IGSF3: variants seen among roughly 807,000 people sequenced by gnomAD.
IGSF3 encodes glu-Trp-Ile EWI motif-containing protein 3.
In IGSF3, 23 loss-of-function variants were observed where a neutral mutation model predicts 114.4. The ratio of observed to expected loss-of-function variants is 0.20; its 90% confidence interval spans 0.14 to 0.28. The LOEUF (loss-of-function observed/expected upper bound fraction) is 0.28, where lower values mean the gene tolerates loss of function less well. Ranked by LOEUF, IGSF3 falls within the 10% of genes least tolerant of loss-of-function variation. The pLI, the probability that IGSF3 is intolerant of heterozygous loss-of-function variation, is 1.00. For synonymous variants in IGSF3, 571 were observed against 645.2 expected (o/e 0.88, Z 1.74); for missense variants, 1,172 against 1,591.5 (o/e 0.74, Z 4.48).
At position 116,585,779 on chromosome 1, in the gene IGSF3, AGGTGT is replaced by A. The variant is rs1249011469; in HGVS notation, c.2441-732_2441-728del. On this transcript the variant is annotated intron_variant, in intron 8 of 10. Coordinates refer to ENST00000369486, the MANE Select transcript of IGSF3 (RefSeq NM_001007237.3). This position sits in a 1 kb window ranked among gnomAD's most constrained non-coding sequence, Gnocchi z 4.9. ...TCTACTAAAAATACAAAAATTAGCCAGGTGTGGTGGTGTGCGCCTGTAATCCCAGC... is the reference window on the plus strand; with the variant it reads ...TCTACTAAAAATACAAAAATTAGCCAGGTGGTGTGCGCCTGTAATCCCAGC... 2.6e-5 allele frequency among the ~76,000 whole-genome samples: 4 copies of A among 152,078 alleles called. 1 individual carries two copies. In the South Asian group the frequency reaches 6.2e-4, roughly 24 times the overall value.
chr1:116,629,334 T>C lies in IGSF3; in HGVS notation c.44-12877A>G, dbSNP rs1647452644. Among the ~76,000 whole-genome samples the C allele has an allele frequency of 6.6e-6, 1 of 152,196 alleles. No individual in the cohort carries two copies. The highest frequency in any genetic ancestry group is 1.5e-5 in the Non-Finnish European group (1 of 68,030). On this transcript the variant is annotated intron_variant, in intron 2 of 10. Transcript: ENST00000369486. This position sits in a 1 kb window ranked among gnomAD's most constrained non-coding sequence, Gnocchi z 4.3. ...ATGTGTGGAAAAAGGACTGGGCTAG[T>C]ATATTTAAAAAACGCTAAAGGGAGG...
Position 116,577,227 on chromosome 1 carries a change from G to T in IGSF3, c.*85C>A. On this transcript the variant is annotated 3_prime_UTR_variant, in exon 11 of 11. Transcript: ENST00000369486. This position sits in a 1 kb window ranked among gnomAD's most constrained non-coding sequence, Gnocchi z 5.7. ...ACTTTCCACACACATGCACCCCAGA[G>T]TTTGGGTGCTGTCAACTGTCCAATC... The T allele has an allele frequency of 6.9e-7, 1 of 1,453,356 alleles. No individual in the cohort carries two copies. The highest frequency in any genetic ancestry group is 1.3e-5 in the South Asian group (1 of 78,956). The allele number at this position is 1,453,356 out of a possible 1,614,324, so 90.0% of individuals were successfully genotyped here. A position where few individuals can be genotyped will look rare whatever the true frequency, so the allele number is the denominator to read the frequency against.
intron 2 of IGSF3, among the ~76,000 whole-genome samples, chr1:116,639,417 T>C (rs1647981574): frequency 6.6e-6 from 1 of 152,204 alleles, no homozygotes; most frequent in South Asian, 2.1e-4. Flanking sequence ...AAGTCCTTTT[T>C]CCTTTCAGGC....
At chr1:116,630,626 G>A (rs1251354052) in intron 2 of IGSF3, among the ~76,000 whole-genome samples, 1 of 152,176 alleles carries the variant, frequency 6.6e-6, no homozygotes, top group Non-Finnish European at 1.5e-5. Flanking sequence ...GCTGGACACT[G>A]TACTGGGCTG....
chr1:116,618,623 C>T lies in IGSF3; in HGVS notation c.44-2166G>A, dbSNP rs1486403541. Among the ~76,000 whole-genome samples, 1 of 151,948 alleles carries T rather than the reference C, an allele frequency of 6.6e-6. No individual in the cohort carries two copies. Among genetic ancestry groups the T allele is most frequent in the Non-Finnish European group, 1.5e-5 (1 of 67,996 alleles). On this transcript the variant is annotated intron_variant, in intron 2 of 10. Coordinates refer to ENST00000369486, the MANE Select transcript of IGSF3 (RefSeq NM_001007237.3). This position sits in a 1 kb window ranked among gnomAD's most constrained non-coding sequence, Gnocchi z 4.7. ...CCCATCTAGGTTTGTTGAAGTACAC[C>T]CTATGATGTCCACACAAGAATGAAA...
At position 116,574,826 on chromosome 1, in the gene IGSF3, C is replaced by T. The variant is rs1168990169; in HGVS notation, c.*2486G>A. 6.6e-6 allele frequency: 1 copy of T among 152,612 alleles called. No individual in the cohort carries two copies. The highest frequency in any genetic ancestry group is 1.5e-5 in the Non-Finnish European group (1 of 68,026). 9.5% of individuals were successfully genotyped at this position (152,612 alleles called of 1,614,324 possible). On this transcript the variant is annotated 3_prime_UTR_variant, in exon 11 of 11. Transcript: ENST00000369486. This position sits in a 1 kb window ranked among gnomAD's most constrained non-coding sequence, Gnocchi z 5.2. ...GGCACCATTACCATCCATCTGACAT[C>T]GCATTTCCATAGAAATGGCCAAAGA...
At chr1:116,659,203 G>A (rs1453040681) in intron 2 of IGSF3, among the ~76,000 whole-genome samples, 8 of 151,988 alleles carry the variant, frequency 5.3e-5, no homozygotes, top group Non-Finnish European at 1.2e-4. Context: ...ACGACTGCTT[G>A]GAAGCTAATT....
rs1383665296 is a variant in IGSF3, at chr1:116,600,320, G to T, written c.1650C>A (p.Ile550=). 1.2e-6 allele frequency: 2 copies of T among 1,610,528 alleles called. No homozygotes were observed. The highest frequency in any genetic ancestry group is 1.1e-5 in the South Asian group (1 of 90,944). Residue 550 remains isoleucine, a synonymous_variant, in exon 7 of 11, where the codon ATC becomes ATA. Coordinates refer to ENST00000369486, the MANE Select transcript of IGSF3 (RefSeq NM_001007237.3). This position sits in a 1 kb window ranked among gnomAD's most constrained non-coding sequence, Gnocchi z 5.5. ...TGTAGGTCACCCCCGGTGTCCGGGA[G>T]ATGGCTGTGACTGCGAAGCCCATTT... is the stretch of plus-strand genomic sequence containing the variant. The part of the protein sequence containing the change: ...ALEMGFAVTA[I]SRTPGVTYSD...
Position 116,632,682 on chromosome 1 carries a change from C to T in IGSF3, c.44-16225G>A, listed in dbSNP as rs1647645828. ...GGAGGGGAGAAAGAGAGGCTGTACTCATTAACTCAGAGCTGACCTCGTCTG... is the reference window on the plus strand; with the variant it reads ...GGAGGGGAGAAAGAGAGGCTGTACTTATTAACTCAGAGCTGACCTCGTCTG... On this transcript the variant is annotated intron_variant, in intron 2 of 10. Coordinates refer to ENST00000369486, the MANE Select transcript of IGSF3 (RefSeq NM_001007237.3). This position sits in a 1 kb window ranked among gnomAD's most constrained non-coding sequence, Gnocchi z 5.1. Among the ~76,000 whole-genome samples the T allele has an allele frequency of 6.6e-6, 1 of 152,186 alleles. No homozygotes were observed. Among genetic ancestry groups the T allele is most frequent in the African/African-American group, 2.4e-5 (1 of 41,444 alleles).
In IGSF3 at chr1:116,610,879, G is replaced by A. The variant is rs1660994231; in HGVS notation, c.833-2548C>T. ...CTCTATCAGAGTCTACCTGATGGAT[G>A]GGCTCTTTCATTAGAATTTACAAAA... is the stretch of plus-strand genomic sequence containing the variant. On this transcript the variant is annotated intron_variant, in intron 4 of 10. Transcript: ENST00000369486. This position sits in a 1 kb window ranked among gnomAD's most constrained non-coding sequence, Gnocchi z 4.3. 2.6e-5 allele frequency among the ~76,000 whole-genome samples: 4 copies of A among 152,138 alleles called. No homozygotes were observed. The South Asian group carries it at 8.3e-4, about 32-fold the overall frequency.
Position 116,629,676 on chromosome 1 carries a change from G to A in IGSF3, c.44-13219C>T, listed in dbSNP as rs1647469435. Among the ~76,000 whole-genome samples, 1 of 152,212 alleles carries A rather than the reference G, an allele frequency of 6.6e-6. No homozygotes were observed. The highest frequency in any genetic ancestry group is 1.5e-5 in the Non-Finnish European group (1 of 68,050). On this transcript the variant is annotated intron_variant, in intron 2 of 10. Transcript: ENST00000369486. This position sits in a 1 kb window ranked among gnomAD's most constrained non-coding sequence, Gnocchi z 4.3. The stretch of plus-strand genomic sequence containing the variant: ...CAGCCTGGTCAGGTCAACTTTGCAG[G>A]TGTGTGAAGTGTCAAATGGTTAATC...
At position 116,634,219 on chromosome 1, in the gene IGSF3, C is replaced by T. The variant is rs1437839732; in HGVS notation, c.44-17762G>A. Among the ~76,000 whole-genome samples, 3 of 152,086 alleles carry T rather than the reference C, an allele frequency of 2.0e-5. No individual in the cohort carries two copies. Among genetic ancestry groups the T allele is most frequent in the African/African-American group, 4.8e-5 (2 of 41,390 alleles). Reference sequence around the variant, plus strand: ...AACAAATGAGTAAAAACACATGCCACGACAAGGCAAAATGAGGAGACAGTA... The same window carrying T: ...AACAAATGAGTAAAAACACATGCCATGACAAGGCAAAATGAGGAGACAGTA... On this transcript the variant is annotated intron_variant, in intron 2 of 10. Coordinates refer to ENST00000369486, the MANE Select transcript of IGSF3 (RefSeq NM_001007237.3). The surrounding 1 kb of genome is among the most constrained non-coding windows in gnomAD (Gnocchi z 4.2).
In IGSF3 at chr1:116,577,178, T is replaced by C; in HGVS notation, c.*134A>G. The C allele has an allele frequency of 1.0e-6, 1 of 988,992 alleles. No homozygotes were observed. The highest frequency in any genetic ancestry group is 1.5e-6 in the Non-Finnish European group (1 of 685,642). 61.3% of individuals were successfully genotyped at this position (988,992 alleles called of 1,614,324 possible). On this transcript the variant is annotated 3_prime_UTR_variant, in exon 11 of 11. Transcript: ENST00000369486. This position sits in a 1 kb window ranked among gnomAD's most constrained non-coding sequence, Gnocchi z 5.7. ...TCTGTCTCTGTGACTGACTGGGAAC[T>C]TGGAACACTTTTCAAGTCTGACAAC... is the stretch of plus-strand genomic sequence containing the variant.
At chr1:116,581,820 T>C (rs551211884) in intron 9 of IGSF3, among the ~76,000 whole-genome samples, 14 of 152,254 alleles carry the variant, frequency 9.2e-5, no homozygotes, top group African/African-American at 2.9e-4. Flanking sequence ...AACTCCTCAG[T>C]TGTAACTCCA....
In IGSF3 at chr1:116,585,376, T is replaced by C. The variant is rs2101336112; in HGVS notation, c.2441-324A>G. Among the ~76,000 whole-genome samples, 1 of 152,068 alleles carries C rather than the reference T, an allele frequency of 6.6e-6. No individual in the cohort carries two copies. The highest frequency in any genetic ancestry group is 2.4e-5 in the African/African-American group (1 of 41,476). On this transcript the variant is annotated intron_variant, in intron 8 of 10. Coordinates refer to ENST00000369486, the MANE Select transcript of IGSF3 (RefSeq NM_001007237.3). This position sits in a 1 kb window ranked among gnomAD's most constrained non-coding sequence, Gnocchi z 4.9. ...AAATGACAACGGACCACAAAACATG[T>C]CGCTGGCCGGGGCAGGTGGCTGGGA...
rs1324917206 is a variant in IGSF3 at position 116,632,732 on chromosome 1, C to T, written c.44-16275G>A. Among the ~76,000 whole-genome samples the T allele has an allele frequency of 3.3e-5, 5 of 152,310 alleles. No individual in the cohort carries two copies. Among genetic ancestry groups the T allele is most frequent in the Middle Eastern group, 3.4e-3 (1 of 294 alleles). On this transcript the variant is annotated intron_variant, in intron 2 of 10. Transcript: ENST00000369486. The surrounding 1 kb of genome is among the most constrained non-coding windows in gnomAD (Gnocchi z 5.1). ...GGCAGGATTAACTAGCCATACCTGT[C>T]CAGCCCACAGAGCCTGGCCTGGAGC...
At chr1:116,663,842 A>C (rs1649217553) in intron 2 of IGSF3, among the ~76,000 whole-genome samples, 1 of 152,196 alleles carries the variant, frequency 6.6e-6, no homozygotes, top group Non-Finnish European at 1.5e-5. Context: ...CAGAGCACTT[A>C]GCCTTATCCA....
chr1:116,656,426 G>T (rs944799034), intron 2 of IGSF3, among the ~76,000 whole-genome samples: 1 of 149,862 alleles, frequency 6.7e-6, no homozygotes, highest in Non-Finnish European at 1.5e-5. Flanking sequence ...TCCGCCTCCC[G>T]GGTAGCTGCA....
At chr1:116,586,767 G>A (rs1313567375) in intron 8 of IGSF3, among the ~76,000 whole-genome samples, 1 of 152,106 alleles carries the variant, frequency 6.6e-6, no homozygotes, top group Non-Finnish European at 1.5e-5. Context: ...AGTGGTGGGG[G>A]TGATCATGTT....
Sources: allele counts gnomAD v4.1 joint callset (sites outside exome capture counted in the v4.1 genomes callset), GRCh38; gene constraint gnomAD v4.1.1; non-coding constraint Gnocchi (gnomAD v3.1); transcripts MANE v1.5; gene names NCBI Gene and HGNC (gene_info 2026-07-23, HGNC 2026-07-21).